SLC7A2: variants seen among roughly 807,000 people sequenced by gnomAD.
SLC7A2 encodes cationic amino acid transporter 2.
In SLC7A2, 48 loss-of-function variants were observed where a neutral mutation model predicts 58.9. The observed-to-expected ratio is 0.82, with a 90% CI of 0.65 to 1.04. The LOEUF is 1.04. Among genes scored for constraint, SLC7A2 ranks in the 50% least tolerant of loss-of-function variants. The pLI is 0.00. For synonymous variants in SLC7A2, 363 were observed against 314.5 expected, an observed-to-expected ratio of 1.15 and a Z score of -1.63; for missense variants, 1,029 against 818.8, an observed-to-expected ratio of 1.26 and a Z score of -3.13.
At chr8:17,509,284 T>C (rs1035590697) in intron 2 of SLC7A2, among the ~76,000 whole-genome samples, 3 of 152,208 alleles carry the variant, frequency 2.0e-5, no homozygotes, top group African/African-American at 7.2e-5. Context: ...GCTCATTTTA[T>C]TGAACTAAGT....
chr8:17,555,611 A>T (rs1802660699), intron 8 of SLC7A2, among the ~76,000 whole-genome samples: 2 of 151,876 alleles, frequency 1.3e-5, no homozygotes, highest in African/African-American at 4.9e-5. Context: ...CGCCATCCTC[A>T]GTATGGTGGG....
intron 1 of SLC7A2, among the ~76,000 whole-genome samples, chr8:17,501,800 A>G: frequency 6.6e-6 from 1 of 151,874 alleles, no homozygotes; most frequent in African/African-American, 2.4e-5. Flanking sequence ...GCCCCCCTCT[A>G]CAGAACTGAG....
rs1281740044 is a variant in SLC7A2 at position 17,548,665 on chromosome 8, C to T, written c.533-13C>T. The T allele has an allele frequency of 1.3e-6, 2 of 1,582,960 alleles. No homozygotes were observed. The highest frequency in any genetic ancestry group is 2.2e-5 in the East Asian group (1 of 44,466). ...TAAAGCTAAATAAAAATTGAAATGC[C>T]CTTTTTCCATAGGTCTTTTGTCTTT... On this transcript the variant is annotated splice_polypyrimidine_tract_variant and intron_variant, in intron 4 of 12. Transcript: ENST00000494857.
chr8:17,511,013 C>T (rs1329141879), intron 2 of SLC7A2: 1 of 151,986 alleles, frequency 6.6e-6, no homozygotes, highest in African/African-American at 2.4e-5. Flanking sequence ...GAAAACCAAA[C>T]AGGACATGTT....
Position 17,562,180 on chromosome 8 carries a change from A to ATTTTT in SLC7A2, c.1671+101_1671+105dup, listed in dbSNP as rs200130071. On this transcript the variant is annotated intron_variant, in intron 11 of 12. Coordinates refer to ENST00000494857, the MANE Select transcript of SLC7A2 (RefSeq NM_001370338.1). ...TCTCTGTATAATTAGTTTGGTAAGT[A>ATTTTT]TTTTTTTTTTTTTTTTTTTTTTTTT... 328 of 594,066 alleles carry ATTTTT rather than the reference A, an allele frequency of 5.5e-4. 9 individuals are homozygous for ATTTTT. Among genetic ancestry groups the ATTTTT allele is most frequent in the African/African-American group, 1.1e-3 (29 of 27,100 alleles). 36.8% of individuals were successfully genotyped at this position (594,066 alleles called of 1,614,324 possible). A position where few individuals can be genotyped will look rare whatever the true frequency, so the allele number is the denominator to read the frequency against.
chr8:17,497,510 G>T lies in SLC7A2; in HGVS notation c.-69+273G>T, dbSNP rs944018438. ...CCCCGGAATGCGCCTCGCCTCGTCC[G>T]GTCCCTGTGCAGCCGGCTCTGCCCG... On this transcript the variant is annotated intron_variant, in intron 1 of 12. Coordinates refer to ENST00000494857, the MANE Select transcript of SLC7A2 (RefSeq NM_001370338.1). Among the ~76,000 whole-genome samples, 7 of 152,152 alleles carry T rather than the reference G, an allele frequency of 4.6e-5. No individual in the cohort carries two copies. The East Asian group carries it at 1.4e-3, about 30-fold the overall frequency.
At chr8:17,553,598 C>T (rs769589211) in intron 7 of SLC7A2, among the ~76,000 whole-genome samples, 5 of 152,130 alleles carry the variant, frequency 3.3e-5, no homozygotes, top group Admixed American at 6.5e-5. Context: ...TAGCAAGGCT[C>T]GGTCTCCACA....
At chr8:17,541,910 T>A (rs1801928736) in intron 2 of SLC7A2, among the ~76,000 whole-genome samples, 1 of 152,074 alleles carries the variant, frequency 6.6e-6, no homozygotes, top group Non-Finnish European at 1.5e-5. Flanking sequence ...TATAACCTGA[T>A]TTTTTTTCAG....
chr8:17,554,550 T>G lies in SLC7A2; in HGVS notation c.1056-10T>G. On this transcript the variant is annotated splice_polypyrimidine_tract_variant and intron_variant, in intron 7 of 12. Transcript: ENST00000494857. ...GTTTGCCATACTGCATGTGTTTGCT[T>G]TTTATTCAGTCTTCTTGGATCCATT... 2 of 1,583,044 alleles carry G rather than the reference T, an allele frequency of 1.3e-6. No individual in the cohort carries two copies. Among genetic ancestry groups the G allele is most frequent in the South Asian group, 1.2e-5 (1 of 84,082 alleles).
At chr8:17,553,730 A>G (rs1174797118) in intron 7 of SLC7A2, among the ~76,000 whole-genome samples, 1 of 152,188 alleles carries the variant, frequency 6.6e-6, no homozygotes, top group Non-Finnish European at 1.5e-5. Flanking sequence ...GTGAGCTATG[A>G]TCGTACTACT....
intron 2 of SLC7A2, among the ~76,000 whole-genome samples, chr8:17,504,397 A>G (rs1441004894): frequency 2.6e-5 from 4 of 152,170 alleles, no homozygotes; most frequent in Admixed American, 1.3e-4. Flanking sequence ...AAATTATTTC[A>G]TACTTTAAAG....
chr8:17,538,646 T>C (rs1347833547), intron 2 of SLC7A2: 1 of 608,624 alleles, frequency 1.6e-6, no homozygotes, highest in Non-Finnish European at 2.7e-6. Context: ...AATTTGAAAA[T>C]TTATCTTGGA....
intron 1 of SLC7A2, among the ~76,000 whole-genome samples, chr8:17,499,551 A>C (rs1175352335): frequency 1.3e-5 from 2 of 150,626 alleles, no homozygotes; most frequent in Admixed American, 6.7e-5. Context: ...ACATGTAGAT[A>C]TGAACACACT....
Position 17,561,474 on chromosome 8 carries a change from C to T in SLC7A2, c.1505-470C>T, listed in dbSNP as rs906847200. Reference sequence around the variant, plus strand: ...CTGTTCAATTATCTTGCACTGGGTTCCTCCCATAACACATGGAAATTATGG... The same window carrying T: ...CTGTTCAATTATCTTGCACTGGGTTTCTCCCATAACACATGGAAATTATGG... On this transcript the variant is annotated intron_variant, in intron 10 of 12. Transcript: ENST00000494857. Among the ~76,000 whole-genome samples, 4 of 152,218 alleles carry T rather than the reference C, an allele frequency of 2.6e-5. No individual in the cohort carries two copies. In the East Asian group the frequency reaches 7.7e-4, roughly 29 times the overall value.
intron 2 of SLC7A2, among the ~76,000 whole-genome samples, chr8:17,505,371 C>T (rs921769090): frequency 1.3e-5 from 2 of 152,184 alleles, no homozygotes; most frequent in African/African-American, 4.8e-5. Flanking sequence ...AAGAAGACCG[C>T]TTATGGCCTC....
chr8:17,516,599 T>C (rs1398602657), intron 2 of SLC7A2, among the ~76,000 whole-genome samples: 1 of 152,180 alleles, frequency 6.6e-6, no homozygotes, highest in African/African-American at 2.4e-5. Flanking sequence ...TGGTAACTCG[T>C]AGAGATTATT....
At chr8:17,512,791 T>C (rs1800657563) in intron 2 of SLC7A2, among the ~76,000 whole-genome samples, 1 of 152,172 alleles carries the variant, frequency 6.6e-6, no homozygotes, top group African/African-American at 2.4e-5. Context: ...AGTTTCCCGT[T>C]TCCCCTTCCC....
chr8:17,548,571 A>G, intron 4 of SLC7A2, 107 bp from the exon 5 acceptor site: 1 of 773,746 alleles, frequency 1.3e-6, no homozygotes, highest in Non-Finnish European at 2.1e-6. Context: ...GATGGAAATT[A>G]AAGACATGAA....
intron 8 of SLC7A2, 125 bp from the exon 9 acceptor site, chr8:17,558,168 ACT>A: frequency 1.6e-6 from 1 of 627,212 alleles, no homozygotes. Context: ...TATTTTCTAC[ACT>A]CTGGTTGACT....
Sources: gnomAD v4.1 joint callset for allele counts (sites outside exome capture counted in the v4.1 genomes callset) on GRCh38, gnomAD v4.1.1 for gene constraint, MANE v1.5 for transcripts, NCBI Gene and HGNC (gene_info 2026-07-23, HGNC 2026-07-21) for gene names.